The following MAGI1 variants were observed in gnomAD, a reference collection of about 807,000 sequenced individuals.
MAGI1 encodes membrane associated guanylate kinase, WW and PDZ domain containing 1.
Under a neutral mutation model 139.9 loss-of-function variants are expected in MAGI1, and 58 were observed. That is an observed-to-expected ratio of 0.41 (90% confidence interval 0.34 to 0.52). The LOEUF (loss-of-function observed/expected upper bound fraction) is 0.52. MAGI1 is among the 20% of genes least tolerant of loss of function. MAGI1 has a pLI of 0.12. For missense variants in MAGI1, 1,874 were observed against 1,901.6 expected, an observed-to-expected ratio of 0.99 and a Z score of 0.27; for synonymous variants, 812 against 737.9, an observed-to-expected ratio of 1.10 and a Z score of -1.63.
At chr3:65,746,436 T>A (rs1459444889) in intron 1 of MAGI1, among the ~76,000 whole-genome samples, 1 of 152,230 alleles carries the variant, frequency 6.6e-6, no homozygotes. Context: ...ATGATAAATG[T>A]TTCTGATGCA....
chr3:65,473,639 CAA>C (rs35970775), intron 4 of MAGI1, among the ~76,000 whole-genome samples: 529 of 87,350 alleles, frequency 6.1e-3, no homozygotes, highest in Middle Eastern at 9.8e-3. Context: ...TACATGTTTA[CAA>C]AAAAAAAAAA....
intron 1 of MAGI1, chr3:65,717,588 C>T (rs966397961): frequency 6.6e-6 from 1 of 152,152 alleles, no homozygotes; most frequent in Non-Finnish European, 1.5e-5. Context: ...ACAGGATTCA[C>T]GTACAAATAT....
chr3:66,033,816 A>C (rs1366422403), intron 1 of MAGI1, among the ~76,000 whole-genome samples: 2 of 152,206 alleles, frequency 1.3e-5, no homozygotes, highest in Non-Finnish European at 2.9e-5. Context: ...AAAATATGTA[A>C]GCATGACCTG....
intron 1 of MAGI1, among the ~76,000 whole-genome samples, chr3:65,706,086 T>A (rs2030221900): frequency 6.6e-6 from 1 of 152,240 alleles, no homozygotes; most frequent in Non-Finnish European, 1.5e-5. Context: ...AGTTCTCCAA[T>A]TAATTTTTTT....
intron 3 of MAGI1, among the ~76,000 whole-genome samples, chr3:65,480,977 T>A (rs551405976): frequency 6.6e-6 from 1 of 152,218 alleles, no homozygotes; most frequent in African/African-American, 2.4e-5. Flanking sequence ...ACACCCACTT[T>A]CTTTGAGAGG....
intron 1 of MAGI1, among the ~76,000 whole-genome samples, chr3:65,757,803 T>A (rs1354368369): frequency 6.6e-6 from 1 of 152,234 alleles, no homozygotes; most frequent in Non-Finnish European, 1.5e-5. Flanking sequence ...TTTGAGAAAT[T>A]AAGTACTCAT....
chr3:65,809,063 G>C (rs959973161), intron 1 of MAGI1, among the ~76,000 whole-genome samples: 2 of 152,186 alleles, frequency 1.3e-5, no homozygotes, highest in African/African-American at 4.8e-5. Context: ...GAATTCCAAA[G>C]GAGAACTCAG....
chr3:65,624,494 T>G (rs184327197), intron 1 of MAGI1, among the ~76,000 whole-genome samples: 10 of 152,320 alleles, frequency 6.6e-5, no homozygotes, highest in African/African-American at 2.4e-4. Flanking sequence ...AAACACAGAA[T>G]GTTGAGCAAA....
intron 2 of MAGI1, among the ~76,000 whole-genome samples, chr3:65,603,906 A>C (rs2082604933): frequency 6.6e-6 from 1 of 152,160 alleles, no homozygotes; most frequent in Non-Finnish European, 1.5e-5. Context: ...CACTCTCTCA[A>C]GTCTGTTTAA....
In MAGI1 at chr3:65,776,791, T is replaced by C. The variant is rs566938462; in HGVS notation, c.314-154703A>G. ...GCAGCTGAAAGACATTTGTGTGATT[T>C]GTGTGATTCATGAACAAAGAGTCAT... On this transcript the variant is annotated intron_variant, in intron 1 of 22. Transcript: ENST00000402939. Among the ~76,000 whole-genome samples, 13 of 116,926 alleles carry C rather than the reference T, an allele frequency of 1.1e-4. No individual in the cohort carries two copies. In the South Asian group the frequency reaches 3.1e-3, roughly 28 times the overall value. The allele number at this position is 116,926 out of a possible 152,430, so 76.7% of individuals were successfully genotyped here.
intron 14 of MAGI1, among the ~76,000 whole-genome samples, chr3:65,389,404 A>T (rs1575586607): frequency 6.6e-6 from 1 of 152,186 alleles, no homozygotes; most frequent in African/African-American, 2.4e-5. Flanking sequence ...AATTCATTTT[A>T]TCACAAAAAG....
intron 1 of MAGI1, among the ~76,000 whole-genome samples, chr3:65,779,797 G>A (rs569981337): frequency 7.2e-5 from 11 of 152,288 alleles, no homozygotes; most frequent in East Asian, 3.9e-4. Context: ...GGAAAGTGAC[G>A]AGTATGCTGT....
chr3:65,526,754 G>C (rs2078399634), intron 2 of MAGI1, among the ~76,000 whole-genome samples: 1 of 152,172 alleles, frequency 6.6e-6, no homozygotes, highest in Non-Finnish European at 1.5e-5. Context: ...TCAGTGCTAT[G>C]ATGGGAGCAT....
chr3:65,949,021 C>A (rs915232513), intron 1 of MAGI1, among the ~76,000 whole-genome samples: 1 of 152,214 alleles, frequency 6.6e-6, no homozygotes, highest in African/African-American at 2.4e-5. Flanking sequence ...GCAAAGATGG[C>A]AGCTGTCATT....
intron 1 of MAGI1, among the ~76,000 whole-genome samples, chr3:65,839,403 C>T (rs77118657): frequency 0.062 from 9,390 of 151,826 alleles, 460 homozygotes; most frequent in South Asian, 0.23. Flanking sequence ...TGTATTCCTT[C>T]GACTTTTTTT....
intron 2 of MAGI1, among the ~76,000 whole-genome samples, chr3:65,569,543 T>C (rs556937194): frequency 2.3e-5 from 3 of 132,780 alleles, no homozygotes; most frequent in East Asian, 5.2e-4. Context: ...GTTTAAAGTA[T>C]ATAAATCCTT....
At chr3:65,966,376 A>AAAT (rs1230718056) in intron 1 of MAGI1, among the ~76,000 whole-genome samples, 3 of 152,136 alleles carry the variant, frequency 2.0e-5, no homozygotes, top group South Asian at 2.1e-4. Flanking sequence ...AGTTACACCA[A>AAAT]AATAATAATA....
At chr3:65,906,654 G>A (rs1409758432) in intron 1 of MAGI1, among the ~76,000 whole-genome samples, 1 of 152,168 alleles carries the variant, frequency 6.6e-6, no homozygotes, top group Non-Finnish European at 1.5e-5. Context: ...GGGAGGCTGA[G>A]GTGGGCAGAT....
intron 1 of MAGI1, among the ~76,000 whole-genome samples, chr3:65,912,710 TAGA>T (rs1313447367): frequency 6.6e-6 from 1 of 152,136 alleles, no homozygotes; most frequent in Non-Finnish European, 1.5e-5. Context: ...TTAGTTACCT[TAGA>T]AGATTATTAT....
Sources: gnomAD v4.1 joint callset for allele counts (sites outside exome capture counted in the v4.1 genomes callset) on GRCh38, gnomAD v4.1.1 for gene constraint, MANE v1.5 for transcripts, NCBI Gene and HGNC (gene_info 2026-07-23, HGNC 2026-07-21) for gene names.